The following GNPDA1 variants were observed in gnomAD, a reference collection of about 807,000 sequenced individuals.
GNPDA1 encodes the protein GNPDA 1.
GNPDA1 carries 24 observed loss-of-function variants against 28.5 expected under a neutral mutation model. That is an observed-to-expected ratio of 0.84 (90% CI 0.61 to 1.19). The LOEUF is 1.19. Ranked by LOEUF, GNPDA1 falls within the 50% of genes most tolerant of loss-of-function variation. GNPDA1 has a pLI of 0.00. For missense variants in GNPDA1, 264 were observed against 367.3 expected, an observed-to-expected ratio of 0.72 and a Z score of 2.30; for synonymous variants, 147 against 139.3, an observed-to-expected ratio of 1.06 and a Z score of -0.39.
intron 4 of GNPDA1, 142 bp downstream of exon 4, chr5:142,006,002 C>T (rs1286484130): frequency 3.1e-6 from 2 of 654,190 alleles, no homozygotes; most frequent in Non-Finnish European, 2.7e-6. Flanking sequence ...GTAACAGAGC[C>T]AGGCAGGGCC....
At chr5:142,011,325 A>C (rs1178626869) in intron 2 of GNPDA1, among the ~76,000 whole-genome samples, 2 of 151,550 alleles carry the variant, frequency 1.3e-5, no homozygotes, top group Non-Finnish European at 2.9e-5. Context: ...TGGGTCAGGT[A>C]GGGCCACTAG....
chr5:142,005,982 T>C (rs1393833299), intron 4 of GNPDA1, 162 bp downstream of exon 4: 4 of 596,270 alleles, frequency 6.7e-6, no homozygotes, highest in African/African-American at 3.7e-5. Context: ...CAAGATAACA[T>C]AGTTCCTGAG....
chr5:142,002,354 G>C (rs1339787533), intron 6 of GNPDA1, among the ~76,000 whole-genome samples: 1 of 152,194 alleles, frequency 6.6e-6, no homozygotes. Flanking sequence ...ATGGGAGTTG[G>C]CTATTTAAAG....
intron 3 of GNPDA1, 95 bp from the exon 4 acceptor site, chr5:142,006,421 C>T: frequency 1.1e-6 from 1 of 906,778 alleles, no homozygotes; most frequent in Admixed American, 2.3e-5. Context: ...TACAGAGACA[C>T]TCCCAGGGGT....
At chr5:142,005,469 C>T (rs13175480) in intron 4 of GNPDA1, 31,970 of 185,492 alleles carry the variant, frequency 0.17, 3,065 homozygotes, top group African/African-American at 0.23. Flanking sequence ...GTCTCTTCTG[C>T]CTGTAGTTAG....
At chr5:142,012,944 C>T (rs891229751) in intron 1 of GNPDA1, 51 bp downstream of exon 1, 3 of 151,720 alleles carry the variant, frequency 2.0e-5, no homozygotes, top group African/African-American at 4.8e-5. Flanking sequence ...GGGCAGCGCT[C>T]CGCGCTCCGG....
At chr5:142,008,006 T>A in intron 2 of GNPDA1, 106 bp from the exon 3 acceptor site, 1 of 700,202 alleles carries the variant, frequency 1.4e-6, no homozygotes. Flanking sequence ...ACCTGTCAGA[T>A]CTGAAGTCCT....
At position 142,006,179 on chromosome 5, in the gene GNPDA1, A is replaced by G. The variant is rs1325973124; in HGVS notation, c.374T>C (p.Ile125Thr). ...TAGCTCGATCCCACCTGCAGCCTTG[A>G]TCTTCTCTTCAAAGGCATCACATTC... ...QAECDAFEEK[I>T]KAAGGIELFV... is the part of the protein sequence containing the mutation. Residue 125 changes from isoleucine (I) to threonine (T), a missense_variant, in exon 4 of 7, where the codon ATC becomes ACC. Transcript: ENST00000311337. 6.2e-7 allele frequency: 1 copy of G among 1,613,910 alleles called. No homozygotes were observed. The highest frequency in any genetic ancestry group is 8.5e-7 in the Non-Finnish European group (1 of 1,179,948).
At chr5:142,006,832 T>C (rs866804744) in intron 3 of GNPDA1, among the ~76,000 whole-genome samples, 11 of 151,862 alleles carry the variant, frequency 7.2e-5, no homozygotes, top group South Asian at 2.1e-4. Context: ...TTTTTTTTTT[T>C]TGGCCAGGAA....
chr5:142,002,265 T>C (rs1755693676), intron 6 of GNPDA1, 136 bp from the exon 7 acceptor site: 1 of 597,578 alleles, frequency 1.7e-6, no homozygotes. Context: ...GATCCCCAAA[T>C]GATAAACACC....
intron 3 of GNPDA1, among the ~76,000 whole-genome samples, chr5:142,007,034 T>C (rs1596736749): frequency 6.6e-6 from 1 of 152,094 alleles, no homozygotes; most frequent in African/African-American, 2.4e-5. Flanking sequence ...GTAGTCAAAT[T>C]CATAGAAACA....
At chr5:142,006,826 T>A (rs1252261990) in intron 3 of GNPDA1, among the ~76,000 whole-genome samples, 1 of 151,966 alleles carries the variant, frequency 6.6e-6, no homozygotes, top group East Asian at 1.9e-4. Flanking sequence ...ATCAACTTTT[T>A]TTTTTTTGGC....
chr5:142,002,745 C>A (rs1031589119), intron 6 of GNPDA1, among the ~76,000 whole-genome samples: 12 of 151,946 alleles, frequency 7.9e-5, no homozygotes, highest in African/African-American at 2.9e-4. Context: ...CAGAGTGAGA[C>A]CCTGTCTCAA....
rs746717238 is a variant in GNPDA1 at position 142,003,295 on chromosome 5, G to C, written c.595-33C>G. ...TCAGAAAACAAGTCTGTGATGGAGG[G>C]GAGCATTCCAGACACCCTAAACAGT... On this transcript the variant is annotated intron_variant, in intron 5 of 6. Transcript: ENST00000311337. The surrounding 1 kb of genome is among the most constrained non-coding windows in gnomAD (Gnocchi z 4.0). 2.0e-6 allele frequency: 3 copies of C among 1,483,224 alleles called. No individual in the cohort carries two copies. The East Asian group carries it at 6.8e-5, about 34-fold the overall frequency. 91.9% of individuals were successfully genotyped at this position (1,483,224 alleles called of 1,614,324 possible).
rs779944285 is a variant in GNPDA1 at position 142,006,280 on chromosome 5, G to T, written c.273C>A (p.Asn91Lys). 2 of 1,613,922 alleles carry T rather than the reference G, an allele frequency of 1.2e-6. No individual in the cohort carries two copies. Among genetic ancestry groups the T allele is most frequent in the Non-Finnish European group, 1.7e-6 (2 of 1,179,922 alleles). ...GGATGTCAATGTGCTTGAAGAAGTT[G>T]TTCCACATGAAGGAGTGGTAACTCT... The part of the protein sequence containing the change: ...HPESYHSFMW[N>K]NFFKHIDIHP... Residue 91 changes from asparagine to lysine, a missense_variant, in exon 4 of 7, where the codon AAC becomes AAA. Asn to Lys is a moderately conservative substitution (Grantham distance 94). Transcript: ENST00000311337.
intron 3 of GNPDA1, among the ~76,000 whole-genome samples, chr5:142,007,425 C>G (rs1755834879): frequency 6.6e-6 from 1 of 152,050 alleles, no homozygotes; most frequent in Non-Finnish European, 1.5e-5. Context: ...AGAGAAAGCA[C>G]AGACACAGAT....
intron 5 of GNPDA1, among the ~76,000 whole-genome samples, chr5:142,004,016 A>G (rs113602012): frequency 0.023 from 3,486 of 152,328 alleles, 131 homozygotes; most frequent in African/African-American, 0.078. Context: ...ATTAGAATGC[A>G]GAAGCAGAGA....
At chr5:142,008,347 G>C (rs1755858612) in intron 2 of GNPDA1, among the ~76,000 whole-genome samples, 1 of 152,224 alleles carries the variant, frequency 6.6e-6, no homozygotes, top group Non-Finnish European at 1.5e-5. Flanking sequence ...GTTGTGATAG[G>C]GTAAAGCACA....
intron 3 of GNPDA1, among the ~76,000 whole-genome samples, 198 bp downstream of exon 3, chr5:142,007,601 G>T (rs1360609596): frequency 6.6e-6 from 1 of 152,152 alleles, no homozygotes; most frequent in Non-Finnish European, 1.5e-5. Flanking sequence ...AGGATTAAAT[G>T]AATTTAATGC....
Sources: gnomAD v4.1 joint callset for allele counts (sites outside exome capture counted in the v4.1 genomes callset) on GRCh38, gnomAD v4.1.1 for gene constraint, Gnocchi (gnomAD v3.1) non-coding constraint, MANE v1.5 for transcripts, NCBI Gene and HGNC (gene_info 2026-07-23, HGNC 2026-07-21) for gene names.